Variants in CD1B observed in about 807,000 individuals in gnomAD.
CD1B encodes T-cell surface glycoprotein CD1b.
Under a neutral mutation model 39.8 loss-of-function variants are expected in CD1B, and 43 were observed. The observed-to-expected ratio is 1.08, with a 90% CI of 0.85 to 1.39. The LOEUF is 1.39. Among genes scored for constraint, CD1B ranks in the 40% most tolerant of loss-of-function variants. CD1B has a pLI of 0.00. For missense variants in CD1B, 495 were observed against 403.8 expected (o/e 1.23, Z -1.94); for synonymous variants, 192 against 152.5 (o/e 1.26, Z -1.91).
Position 158,331,283 on chromosome 1 carries a change from T to C in CD1B, c.61+80A>G, listed in dbSNP as rs909004579. On this transcript the variant is annotated intron_variant, in intron 1 of 5. Transcript: ENST00000368168. ...AAAGACCCAGACCCTTAGTGTCCAA[T>C]TGCACCTAGGAAAGCCCTGCTTGCT... The C allele has an allele frequency of 3.7e-6, 5 of 1,337,752 alleles. No homozygotes were observed. In the East Asian group the frequency reaches 9.2e-5, roughly 25 times the overall value. 82.9% of individuals were successfully genotyped at this position (1,337,752 alleles called of 1,614,324 possible).
the CD1B span, among the ~76,000 whole-genome samples, chr1:158,308,992 A>G: frequency 1.3e-5 from 2 of 152,212 alleles, no homozygotes; most frequent in Non-Finnish European, 2.9e-5. Context: ...GGATCTAATT[A>G]AACTAAAGAG....
chr1:158,320,137 T>G, the CD1B span, among the ~76,000 whole-genome samples: 3 of 152,182 alleles, frequency 2.0e-5, no homozygotes, highest in Non-Finnish European at 4.4e-5. Context: ...CCCCCAGAGG[T>G]GGAGCCTACA....
At chr1:158,308,652 A>G in the CD1B span, among the ~76,000 whole-genome samples, 3 of 152,234 alleles carry the variant, frequency 2.0e-5, no homozygotes, top group African/African-American at 7.2e-5. Flanking sequence ...AATGGAACAG[A>G]ACAGAGCCCT....
the CD1B span, among the ~76,000 whole-genome samples, chr1:158,314,936 T>A: frequency 6.7e-6 from 1 of 149,248 alleles, no homozygotes; most frequent in Admixed American, 6.7e-5. Flanking sequence ...GATAGTTTAC[T>A]GAGAATGATG....
At chr1:158,331,276 T>G in intron 1 of CD1B, 87 bp downstream of exon 1, 1 of 1,273,836 alleles carries the variant, frequency 7.9e-7, no homozygotes, top group East Asian at 2.3e-5. Flanking sequence ...AGACCCTTAG[T>G]GTCCAATTGC....
Position 158,331,050 on chromosome 1 carries a change from G to T in CD1B, c.74C>A (p.Pro25Gln). Residue 25 changes from proline (P) to glutamine (Q), a missense_variant, in exon 2 of 6, where the codon CCG becomes CAG. Physicochemically the swap from Pro to Gln is moderately conservative, Grantham distance 76 (BLOSUM62 -1). Transcript: ENST00000368168. Reference sequence around the variant, plus strand: ...GGTCTGGATAACATGAAAGGAGGTCGGCCCCTGGAAGGCTGTGAAGAGTGG... The same window carrying T: ...GGTCTGGATAACATGAAAGGAGGTCTGCCCCTGGAAGGCTGTGAAGAGTGG... ...GGNSEHAFQGPTSFHVIQTSS... is the reference protein window; with the variant it reads ...GGNSEHAFQGQTSFHVIQTSS... 6.2e-7 allele frequency: 1 copy of T among 1,611,414 alleles called. No individual in the cohort carries two copies. Among genetic ancestry groups the T allele is most frequent in the South Asian group, 1.1e-5 (1 of 90,414 alleles).
the CD1B span, among the ~76,000 whole-genome samples, chr1:158,322,671 C>T: frequency 6.6e-6 from 1 of 151,976 alleles, no homozygotes; most frequent in East Asian, 1.9e-4. Flanking sequence ...TTTGTTATTT[C>T]TTGTAAGACA....
At chr1:158,309,623 C>T in the CD1B span, among the ~76,000 whole-genome samples, 63 of 152,162 alleles carry the variant, frequency 4.1e-4, no homozygotes, top group Middle Eastern at 3.4e-3. Context: ...AAATGTGGCA[C>T]ATATACACCA....
In CD1B at chr1:158,329,017, G is replaced by A; in HGVS notation, c.887-3C>T. ...TGAGCCAATGGAGGTGGGGTTTCCT[G>A]GCAATTGAGAGAGGACAAAAGGATG... On this transcript the variant is annotated splice_polypyrimidine_tract_variant and splice_region_variant and intron_variant, in intron 4 of 5. Transcript: ENST00000368168. The A allele has an allele frequency of 6.2e-7, 1 of 1,610,330 alleles. No individual in the cohort carries two copies. Among genetic ancestry groups the A allele is most frequent in the South Asian group, 1.1e-5 (1 of 90,594 alleles).
the CD1B span, chr1:158,291,467 T>C: frequency 6.5e-7 from 1 of 1,536,000 alleles, no homozygotes; most frequent in Non-Finnish European, 8.9e-7. Flanking sequence ...TATTCTCTAC[T>C]AATTTTTGGG....
chr1:158,303,292 G>T, the CD1B span, among the ~76,000 whole-genome samples: 1 of 152,116 alleles, frequency 6.6e-6, no homozygotes, highest in Non-Finnish European at 1.5e-5. Flanking sequence ...AAAACAATTA[G>T]AGGCATCTAT....
rs775800992 is a variant in CD1B at position 158,329,520 on chromosome 1, G to T, written c.736C>A (p.Gln246Lys). 1.9e-6 allele frequency: 3 copies of T among 1,614,156 alleles called. No homozygotes were observed. The highest frequency in any genetic ancestry group is 2.5e-6 in the Non-Finnish European group (3 of 1,180,040). ...VMWMRGEQEQ[Q>K]GTQLGDILPN... ...AGGATGTCCCCTAGCTGAGTGCCCT[G>T]CTGCTCCTGCTCACCCCGCATCCAC... The change falls in exon 4 of 6, where the codon CAG becomes AAG. Residue 246 changes from glutamine (Q) to lysine (K), a missense_variant. By Grantham distance (53) the Gln-to-Lys change is moderately conservative. Transcript: ENST00000368168.
chr1:158,303,763 A>T, the CD1B span, among the ~76,000 whole-genome samples: 1 of 152,226 alleles, frequency 6.6e-6, no homozygotes, highest in South Asian at 2.1e-4. Flanking sequence ...CTGCTAAAAA[A>T]TCAGAGATTA....
chr1:158,309,120 C>G, the CD1B span, among the ~76,000 whole-genome samples: 2 of 151,984 alleles, frequency 1.3e-5, no homozygotes, highest in African/African-American at 4.8e-5. Flanking sequence ...ACTATGAACT[C>G]AAACAAATTT....
At chr1:158,314,507 A>C in the CD1B span, among the ~76,000 whole-genome samples, 1 of 151,876 alleles carries the variant, frequency 6.6e-6, no homozygotes, top group East Asian at 1.9e-4. Flanking sequence ...TTTTGGCTTG[A>C]TGTTGTTCTT....
At chr1:158,292,620 G>T in the CD1B span, 2 of 1,612,894 alleles carry the variant, frequency 1.2e-6, no homozygotes, top group Non-Finnish European at 1.7e-6. Context: ...TGGCTGTCCA[G>T]TCGCCCCAGC....
intron 3 of CD1B, 84 bp downstream of exon 3, chr1:158,329,768 G>A: frequency 1.9e-6 from 3 of 1,557,402 alleles, no homozygotes; most frequent in Non-Finnish European, 2.6e-6. Context: ...CAAATAACTT[G>A]TTATTTAAGC....
At position 158,329,031 on chromosome 1, in the gene CD1B, G is replaced by A; in HGVS notation, c.887-17C>T. 1 of 1,589,708 alleles carries A rather than the reference G, an allele frequency of 6.3e-7. No individual in the cohort carries two copies. Among genetic ancestry groups the A allele is most frequent in the Non-Finnish European group, 8.6e-7 (1 of 1,161,640 alleles). ...TGGGGTTTCCTGGCAATTGAGAGAGGACAAAAGGATGTCACTTCAGATACT... is the reference window on the plus strand; with the variant it reads ...TGGGGTTTCCTGGCAATTGAGAGAGAACAAAAGGATGTCACTTCAGATACT... On this transcript the variant is annotated splice_polypyrimidine_tract_variant and intron_variant, in intron 4 of 5. Transcript: ENST00000368168.
the CD1B span, among the ~76,000 whole-genome samples, chr1:158,294,493 T>C: frequency 6.6e-6 from 1 of 152,228 alleles, no homozygotes; most frequent in Admixed American, 6.5e-5. Context: ...TTCATGTTTT[T>C]ATTTATTTCA....
Sources: allele counts gnomAD v4.1 joint callset (sites outside exome capture counted in the v4.1 genomes callset), GRCh38; gene constraint gnomAD v4.1.1; transcripts MANE v1.5; gene names NCBI Gene and HGNC (gene_info 2026-07-23, HGNC 2026-07-21).